The following HMCN1 variants were observed in gnomAD, a reference collection of about 807,000 sequenced individuals.
HMCN1 encodes the protein hemicentin 1.
A neutral mutation model predicts 625.9 loss-of-function variants in HMCN1; 321 were observed. That is an observed-to-expected ratio of 0.51 (90% CI 0.47 to 0.56). The LOEUF (loss-of-function observed/expected upper bound fraction) is 0.56, where lower values mean the gene tolerates loss of function less well. Among genes scored for constraint, HMCN1 ranks in the 20% least tolerant of loss-of-function variants. The pLI is 0.00. For missense variants in HMCN1, 6,588 were observed against 6,887.3 expected (o/e 0.96, Z 1.54); for synonymous variants, 2,425 against 2,417.6 (o/e 1.00, Z -0.09).
Position 186,086,279 on chromosome 1 carries a change from A to G in HMCN1, c.8918A>G (p.Asn2973Ser). Residue 2973 changes from asparagine to serine, a missense_variant, in exon 58 of 107, where the codon AAT becomes AGT. Transcript: ENST00000271588. Reference sequence around the variant, plus strand: ...AGTGTCATTGGTCCTAAATCTGAAAATCTTACCGTCGTGGTGAACAATTTC... The same window carrying G: ...AGTGTCATTGGTCCTAAATCTGAAAGTCTTACCGTCGTGGTGAACAATTTC... The part of the protein sequence containing the change: ...PPSVIGPKSE[N>S]LTVVVNNFIS... The G allele has an allele frequency of 6.2e-7, 1 of 1,613,048 alleles. No individual in the cohort carries two copies. Among genetic ancestry groups the G allele is most frequent in the Non-Finnish European group, 8.5e-7 (1 of 1,179,288 alleles).
At chr1:186,159,929 G>A (rs538045657) in intron 97 of HMCN1, among the ~76,000 whole-genome samples, 131 of 152,198 alleles carry the variant, frequency 8.6e-4, no homozygotes, top group African/African-American at 3.1e-3. Context: ...GGTGATGCTG[G>A]CCTCATAAAA....
In HMCN1 at chr1:186,114,113, A is replaced by G. The variant is rs1169004163; in HGVS notation, c.11266A>G (p.Asn3756Asp). 6.2e-6 allele frequency: 10 copies of G among 1,614,004 alleles called. 1 individual carries two copies. In the South Asian group the frequency reaches 1.1e-4, roughly 18 times the overall value. ...AAAGGATGGAGCTGTTCTAGCTGGGAATCATGCAAGGTAACCATACTGGAA... is the reference window on the plus strand; with the variant it reads ...AAAGGATGGAGCTGTTCTAGCTGGGGATCATGCAAGGTAACCATACTGGAA... Reference protein sequence around the residue: ...WRKDGAVLAGNHARYSILENG... With the variant: ...WRKDGAVLAGDHARYSILENG... Residue 3756 changes from asparagine to aspartate, a missense_variant, in exon 73 of 107, where the codon AAT becomes GAT. Around this residue, in one of 3 missense-constraint regions of HMCN1, gnomAD observed 4,628 missense variants for 4,853.1 expected, o/e 0.95. Transcript: ENST00000271588.
intron 1 of HMCN1, among the ~76,000 whole-genome samples, chr1:185,831,814 GA>G (rs1209167290): frequency 6.6e-6 from 1 of 151,902 alleles, no homozygotes; most frequent in African/African-American, 2.4e-5. Context: ...ACATATACGG[GA>G]AAAAAATAAA....
intron 26 of HMCN1, among the ~76,000 whole-genome samples, chr1:186,000,699 A>G (rs1653135254): frequency 6.6e-6 from 1 of 151,824 alleles, no homozygotes; most frequent in Non-Finnish European, 1.5e-5. Flanking sequence ...TTATATTCAC[A>G]TTTTTCACCT....
chr1:186,189,744 T>G lies in HMCN1; in HGVS notation c.16774T>G (p.Tyr5592Asp). 6.2e-7 allele frequency: 1 copy of G among 1,613,710 alleles called. No individual in the cohort carries two copies. Among genetic ancestry groups the G allele is most frequent in the Non-Finnish European group, 8.5e-7 (1 of 1,179,824 alleles). Residue 5592 changes from tyrosine (Y) to aspartate (D), a missense_variant, in exon 107 of 107, where the codon TAT becomes GAT. Tyr to Asp is a radical substitution (Grantham distance 160). This residue lies in a region of HMCN1 where 1,954 missense variants were observed against 2,013.1 expected (regional missense o/e 0.97). Transcript: ENST00000271588. ...LRDENLKGVVYTTRPLREAET... is the reference protein window; with the variant it reads ...LRDENLKGVVDTTRPLREAET... Reference sequence around the variant, plus strand: ...GGATGAAAACCTGAAAGGAGTGGTGTATACAACACGACCACTACGAGAAGC... The same window carrying G: ...GGATGAAAACCTGAAAGGAGTGGTGGATACAACACGACCACTACGAGAAGC...
At chr1:186,083,831 G>A (rs758391549) in intron 57 of HMCN1, among the ~76,000 whole-genome samples, 31 of 152,012 alleles carry the variant, frequency 2.0e-4, no homozygotes, top group Admixed American at 1.4e-3. Context: ...TTTAATTCCC[G>A]TTCTTAGCAC....
chr1:185,905,313 C>T lies in HMCN1; in HGVS notation c.622-4024C>T, dbSNP rs1558055055. On this transcript the variant is annotated intron_variant, in intron 4 of 106. Coordinates refer to ENST00000271588, the MANE Select transcript of HMCN1 (RefSeq NM_031935.3). ...ATTTAATCAGGAATCTTCTATATTT[C>T]ATGTACTATATTAGGTTCAGGGACG... 2.0e-5 allele frequency among the ~76,000 whole-genome samples: 3 copies of T among 151,616 alleles called. No homozygotes were observed. In the South Asian group the frequency reaches 6.2e-4, roughly 31 times the overall value.
chr1:185,855,866 G>T (rs560110018), intron 2 of HMCN1, among the ~76,000 whole-genome samples: 1 of 152,112 alleles, frequency 6.6e-6, no homozygotes, highest in African/African-American at 2.4e-5. Context: ...AGCTTGTTTG[G>T]TCATCAGTGA....
chr1:186,122,152 A>G (rs146945346), intron 80 of HMCN1, among the ~76,000 whole-genome samples: 1 of 152,224 alleles, frequency 6.6e-6, no homozygotes, highest in Non-Finnish European at 1.5e-5. Flanking sequence ...TCCAAAAGCA[A>G]TCGGAGATAA....
chr1:185,741,763 T>C (rs892230636), intron 1 of HMCN1, among the ~76,000 whole-genome samples: 14 of 152,312 alleles, frequency 9.2e-5, no homozygotes, highest in East Asian at 1.9e-4. Flanking sequence ...GTGGAAGTCA[T>C]TGGTGACTCA....
intron 97 of HMCN1, among the ~76,000 whole-genome samples, chr1:186,158,795 A>C (rs560679678): frequency 0.032 from 4,866 of 152,110 alleles, 126 homozygotes; most frequent in Middle Eastern, 0.1. Context: ...ATTGATCTAT[A>C]TCTCTGTTTT....
intron 68 of HMCN1, among the ~76,000 whole-genome samples, chr1:186,096,379 G>A (rs1355296831): frequency 6.6e-6 from 1 of 152,112 alleles, no homozygotes; most frequent in Non-Finnish European, 1.5e-5. Context: ...CCAGTGCTTA[G>A]CATGACATTT....
At chr1:186,016,653 TG>T (rs753401964) in intron 32 of HMCN1, among the ~76,000 whole-genome samples, 17 of 152,052 alleles carry the variant, frequency 1.1e-4, no homozygotes, top group Non-Finnish European at 2.2e-4. Flanking sequence ...TGCCCAATTT[TG>T]GGGGTTTCTT....
intron 4 of HMCN1, among the ~76,000 whole-genome samples, chr1:185,885,113 G>A (rs1260701177): frequency 1.3e-5 from 2 of 151,084 alleles, no homozygotes; most frequent in African/African-American, 4.9e-5. Flanking sequence ...GTCCTTGTTT[G>A]TCATGAGAAC....
At chr1:186,004,071 A>G (rs963348528) in intron 29 of HMCN1, among the ~76,000 whole-genome samples, 3 of 152,202 alleles carry the variant, frequency 2.0e-5, no homozygotes, top group Non-Finnish European at 4.4e-5. Flanking sequence ...TTAGAAATAT[A>G]GAGGAACTCA....
intron 11 of HMCN1, among the ~76,000 whole-genome samples, chr1:185,961,093 G>T (rs1245374112): frequency 6.6e-6 from 1 of 152,038 alleles, no homozygotes; most frequent in African/African-American, 2.4e-5. Context: ...TCAAAGACTA[G>T]ACCATAATTT....
intron 81 of HMCN1, among the ~76,000 whole-genome samples, chr1:186,124,038 T>TAA (rs1661525537): frequency 6.6e-6 from 1 of 152,134 alleles, no homozygotes; most frequent in South Asian, 2.1e-4. Flanking sequence ...TCCCCTGCTT[T>TAA]CAGTTAATAT....
rs1396152484 is a variant in HMCN1, at chr1:186,187,890, T to A, written c.16422T>A (p.Asp5474Glu). The change falls in exon 106 of 107, where the codon GAT becomes GAA. Residue 5474 changes from aspartate to glutamate, a missense_variant. Coordinates refer to ENST00000271588, the MANE Select transcript of HMCN1 (RefSeq NM_031935.3). ...TCCCTGTGCTGTCCCTAGATATCGA[T>A]GAATGTCTGGAGCAGAATGTGCACT... ...THNGKTCQDI[D>E]ECLEQNVHCG... is the part of the protein sequence containing the mutation. 7 of 1,613,632 alleles carry A rather than the reference T, an allele frequency of 4.3e-6. No individual in the cohort carries two copies. Among genetic ancestry groups the A allele is most frequent in the Non-Finnish European group, 5.9e-6 (7 of 1,179,760 alleles).
intron 66 of HMCN1, 136 bp downstream of exon 66, chr1:186,093,805 G>A: frequency 1.8e-6 from 2 of 1,139,062 alleles, no homozygotes; most frequent in East Asian, 2.5e-5. Context: ...TATATTTTTA[G>A]TAGAGGAAGG....
Sources: allele counts gnomAD v4.1 joint callset (sites outside exome capture counted in the v4.1 genomes callset), GRCh38; gene constraint gnomAD v4.1.1; regional missense constraint gnomAD v4.1.1; transcripts MANE v1.5; gene names NCBI Gene and HGNC (gene_info 2026-07-23, HGNC 2026-07-21).